Variants in PRELID2 observed in about 807,000 individuals in gnomAD.
PRELID2 encodes PRELI domain-containing protein 2.
In PRELID2, 25 loss-of-function variants were observed where a neutral mutation model predicts 28.4. The observed-to-expected ratio is 0.88, with a 90% CI of 0.64 to 1.23. PRELID2 has a LOEUF of 1.23. Among genes scored for constraint, PRELID2 ranks in the 50% most tolerant of loss-of-function variants. The pLI, the probability that PRELID2 is intolerant of heterozygous loss-of-function variation, is 0.00. For missense variants in PRELID2, 201 were observed against 214.4 expected (o/e 0.94, Z 0.39); for synonymous variants, 76 against 71.6 (o/e 1.06, Z -0.31).
chr5:145,635,194 T>G (rs140307354), intron 1 of PRELID2, among the ~76,000 whole-genome samples: 1 of 152,222 alleles, frequency 6.6e-6, no homozygotes, highest in East Asian at 1.9e-4. Context: ...TCTAGGATTG[T>G]TTGTGTCTGT....
chr5:145,517,256 T>C (rs777313263), intron 1 of PRELID2, among the ~76,000 whole-genome samples: 28 of 150,790 alleles, frequency 1.9e-4, no homozygotes, highest in Admixed American at 1.7e-3. Flanking sequence ...AGGGCTAATA[T>C]CCAGAATCTA....
rs999503078 is a variant in PRELID2 at position 145,757,785 on chromosome 5, T to C, written c.*2751A>G. Among the ~76,000 whole-genome samples the C allele has an allele frequency of 2.4e-5, 3 of 123,626 alleles. No homozygotes were observed. The highest frequency in any genetic ancestry group is 3.3e-5 in the Non-Finnish European group (2 of 61,182). 81.1% of individuals were successfully genotyped at this position (123,626 alleles called of 152,430 possible). A position where few individuals can be genotyped will look rare whatever the true frequency, so the allele number is the denominator to read the frequency against. Reference sequence around the variant, plus strand: ...AAGTTCAAGACCAGCCTGATAAACATAGTGAGACCCTATCTCAAAAAAAAG... The same window carrying C: ...AAGTTCAAGACCAGCCTGATAAACACAGTGAGACCCTATCTCAAAAAAAAG... On this transcript the variant is annotated 3_prime_UTR_variant, in exon 7 of 7. Transcript: ENST00000683046.
chr5:145,781,762 C>CTATA (rs112358316), intron 5 of PRELID2, among the ~76,000 whole-genome samples: 1 of 142,624 alleles, frequency 7.0e-6, no homozygotes, highest in African/African-American at 2.6e-5. Context: ...TATATATACA[C>CTATA]TATATATATA....
intron 1 of PRELID2, among the ~76,000 whole-genome samples, chr5:145,719,716 G>A (rs1755937353): frequency 6.6e-6 from 1 of 151,848 alleles, no homozygotes; most frequent in Non-Finnish European, 1.5e-5. Context: ...CCTACCGGAA[G>A]GATAAAATGG....
the PRELID2 span, among the ~76,000 whole-genome samples, chr5:145,248,579 G>A: frequency 6.7e-6 from 1 of 149,016 alleles, no homozygotes; most frequent in Non-Finnish European, 1.5e-5. Context: ...CAGATCAAAA[G>A]GTCAAGAGAT....
chr5:145,417,008 C>A, the PRELID2 span, among the ~76,000 whole-genome samples: 1 of 151,574 alleles, frequency 6.6e-6, no homozygotes, highest in South Asian at 2.1e-4. Context: ...AAACAGACTG[C>A]AAGCTAGACA....
the PRELID2 span, among the ~76,000 whole-genome samples, chr5:145,358,275 A>T: frequency 6.6e-6 from 1 of 151,976 alleles, no homozygotes; most frequent in African/African-American, 2.4e-5. Flanking sequence ...GAGGAGGTGG[A>T]TGGAGTTGTT....
chr5:145,756,121 C>T (rs1325423416), downstream of PRELID2, among the ~76,000 whole-genome samples: 1 of 152,162 alleles, frequency 6.6e-6, no homozygotes, highest in African/African-American at 2.4e-5. Context: ...GTTCCATTAG[C>T]ACCTGGCCCA....
chr5:145,644,132 C>T (rs1389635382), intron 1 of PRELID2, among the ~76,000 whole-genome samples: 1 of 152,126 alleles, frequency 6.6e-6, no homozygotes, highest in Non-Finnish European at 1.5e-5. Flanking sequence ...GGCTGTGAAT[C>T]CATCTGGTCC....
At chr5:145,424,279 C>A in the PRELID2 span, among the ~76,000 whole-genome samples, 14 of 152,186 alleles carry the variant, frequency 9.2e-5, no homozygotes, top group South Asian at 4.1e-4. Context: ...TCGAGCTTCC[C>A]GGCTGCTTTG....
Position 145,730,514 on chromosome 5 carries a change from C to T in PRELID2, n.70+34417G>A, listed in dbSNP as rs74990992. ...TGCTGAGGCATAAATTTGAATCACC[C>T]ATGCTAATGAGGATGAGGTTGGTTG... On this transcript the variant is annotated intron_variant and non_coding_transcript_variant, in intron 1 of 2. Transcript: ENST00000510259. Among the ~76,000 whole-genome samples, 724 of 152,270 alleles carry T rather than the reference C, an allele frequency of 4.8e-3. 3 individuals are homozygous for T. The highest frequency in any genetic ancestry group is 0.016 in the African/African-American group (681 of 41,556).
the PRELID2 span, among the ~76,000 whole-genome samples, chr5:145,371,886 TAAA>T: frequency 5.6e-5 from 8 of 141,836 alleles, no homozygotes; most frequent in East Asian, 4.2e-4. Flanking sequence ...TTTGTTAATT[TAAA>T]AAAAAAAAAA....
At chr5:145,476,936 C>T (rs895012519) in intron 1 of PRELID2, among the ~76,000 whole-genome samples, 1 of 152,038 alleles carries the variant, frequency 6.6e-6, no homozygotes, top group Non-Finnish European at 1.5e-5. Flanking sequence ...TGAGCAAATG[C>T]CTTAATTCGT....
intron 5 of PRELID2, among the ~76,000 whole-genome samples, chr5:145,784,233 T>TAAAAAAAA (rs11299722): frequency 7.3e-6 from 1 of 136,268 alleles, no homozygotes. Context: ...GTGGTGAGCT[T>TAAAAAAAA]AAAAAAAAAA....
the PRELID2 span, among the ~76,000 whole-genome samples, chr5:145,406,349 A>G: frequency 9.2e-5 from 14 of 152,230 alleles, no homozygotes; most frequent in East Asian, 2.7e-3. Flanking sequence ...TAATGTTTAC[A>G]TAATATTTAC....
intron 1 of PRELID2, among the ~76,000 whole-genome samples, chr5:145,681,515 A>G (rs1210249481): frequency 6.6e-6 from 1 of 152,174 alleles, no homozygotes; most frequent in African/African-American, 2.4e-5. Context: ...ATCTTGGGAA[A>G]CTTTCTTAAC....
chr5:145,328,974 A>C, the PRELID2 span, among the ~76,000 whole-genome samples: 2 of 152,178 alleles, frequency 1.3e-5, no homozygotes, highest in African/African-American at 4.8e-5. Flanking sequence ...GAAGGGGACC[A>C]GTTTCAGTTT....
intron 1 of PRELID2, among the ~76,000 whole-genome samples, chr5:145,612,923 G>GT (rs557551398): frequency 3.9e-5 from 6 of 152,302 alleles, no homozygotes; most frequent in Non-Finnish European, 8.8e-5. Context: ...GCATGTGCAA[G>GT]TATCTTTTTC....
the PRELID2 span, among the ~76,000 whole-genome samples, chr5:145,320,744 A>G: frequency 6.6e-6 from 1 of 152,198 alleles, no homozygotes. Context: ...CCATAAGCAG[A>G]AAAGACTGAA....
Sources: gnomAD v4.1 joint callset for allele counts (sites outside exome capture counted in the v4.1 genomes callset) on GRCh38, gnomAD v4.1.1 for gene constraint, MANE v1.5 for transcripts, NCBI Gene and HGNC (gene_info 2026-07-23, HGNC 2026-07-21) for gene names.